FAM227B: variants seen among roughly 807,000 people sequenced by gnomAD.
FAM227B encodes protein FAM227B.
A neutral mutation model predicts 73.8 loss-of-function variants in FAM227B; 88 were observed. The observed-to-expected ratio is 1.19, with a 90% CI of 1.00 to 1.42. The LOEUF is 1.42. Among genes scored for constraint, FAM227B ranks in the 40% most tolerant of loss-of-function variants. The pLI is 0.00. For synonymous variants in FAM227B, 210 were observed against 190.5 expected (o/e 1.10, Z -0.84); for missense variants, 632 against 590.9 (o/e 1.07, Z -0.72).
intron 11 of FAM227B, among the ~76,000 whole-genome samples, chr15:49,445,799 T>C (rs2052145508): frequency 1.3e-5 from 2 of 151,462 alleles, no homozygotes; most frequent in South Asian, 4.2e-4. Flanking sequence ...AGTAAAAGAG[T>C]GTATTTGAAA....
intron 11 of FAM227B, chr15:49,396,044 G>A (rs1201036734): frequency 1.1e-5 from 5 of 451,924 alleles, no homozygotes; most frequent in East Asian, 7.0e-5. Flanking sequence ...CAGCGTGAGC[G>A]ACGCAGAAGA....
At chr15:49,339,496 G>A (rs1007385546) in intron 13 of FAM227B, among the ~76,000 whole-genome samples, 2 of 152,198 alleles carry the variant, frequency 1.3e-5, no homozygotes, top group African/African-American at 4.8e-5. Flanking sequence ...TCCTCTGGAA[G>A]CTTCGTCCCA....
chr15:49,457,378 T>C (rs900623196), intron 11 of FAM227B, among the ~76,000 whole-genome samples: 1 of 152,030 alleles, frequency 6.6e-6, no homozygotes, highest in African/African-American at 2.4e-5. Flanking sequence ...TTATGAGAGA[T>C]AACTTTTTTA....
chr15:49,576,588 G>A (rs540448494), intron 7 of FAM227B, 153 bp downstream of exon 7: 59 of 590,286 alleles, frequency 1.0e-4, no homozygotes, highest in Non-Finnish European at 1.5e-4. Context: ...GTAATTAGCG[G>A]TTAGACACAT....
At chr15:49,610,458 T>C (rs938278647) in intron 3 of FAM227B, among the ~76,000 whole-genome samples, 1 of 141,676 alleles carries the variant, frequency 7.1e-6, no homozygotes, top group Non-Finnish European at 1.6e-5. Flanking sequence ...TAAACAAATA[T>C]AAAAACAGAA....
chr15:49,464,533 T>C (rs900589370), intron 11 of FAM227B, among the ~76,000 whole-genome samples: 1 of 152,158 alleles, frequency 6.6e-6, no homozygotes, highest in Admixed American at 6.6e-5. Flanking sequence ...AACATTTATA[T>C]ATAGGTAGGC....
chr15:49,367,295 AC>A (rs1471802060), intron 13 of FAM227B, among the ~76,000 whole-genome samples, 152 bp downstream of exon 13: 1 of 152,226 alleles, frequency 6.6e-6, no homozygotes, highest in East Asian at 1.9e-4. Flanking sequence ...CAAACATACT[AC>A]CAAAGTTTTA....
chr15:49,605,802 C>A (rs1044676623), intron 3 of FAM227B, among the ~76,000 whole-genome samples: 2 of 151,978 alleles, frequency 1.3e-5, no homozygotes, highest in East Asian at 1.9e-4. Context: ...AGCCTAAAAT[C>A]AAAAATCCAA....
intron 11 of FAM227B, among the ~76,000 whole-genome samples, chr15:49,506,473 ATTT>A (rs1204184840): frequency 6.6e-6 from 1 of 151,856 alleles, no homozygotes; most frequent in Admixed American, 6.6e-5. Context: ...TCTAATTGAG[ATTT>A]TTTTTAACTG....
At chr15:49,490,671 G>C (rs1027257912) in intron 11 of FAM227B, among the ~76,000 whole-genome samples, 2 of 151,954 alleles carry the variant, frequency 1.3e-5, no homozygotes, top group Non-Finnish European at 2.9e-5. Context: ...CATACTCAGA[G>C]GAAAGGGCAT....
At chr15:49,416,712 C>T in intron 11 of FAM227B, among the ~76,000 whole-genome samples, 1 of 151,914 alleles carries the variant, frequency 6.6e-6, no homozygotes, top group Non-Finnish European at 1.5e-5. Context: ...TATACACCAA[C>T]AGTCAAGCTG....
In FAM227B at chr15:49,492,052, T is replaced by C. The variant is rs183257202; in HGVS notation, c.1012+16159A>G. 2.3e-3 allele frequency among the ~76,000 whole-genome samples: 354 copies of C among 151,974 alleles called. 7 individuals are homozygous for C. Among genetic ancestry groups the C allele is most frequent in the Admixed American group, 0.021 (313 of 15,226 alleles). ...CATCATGCCTACATAATCTTATCTATTGCCATACAAAGGTCTGTGTTATAT... is the reference window on the plus strand; with the variant it reads ...CATCATGCCTACATAATCTTATCTACTGCCATACAAAGGTCTGTGTTATAT... On this transcript the variant is annotated intron_variant, in intron 11 of 15. Transcript: ENST00000299338.
chr15:49,581,936 C>A (rs1035164182), intron 5 of FAM227B, among the ~76,000 whole-genome samples: 1 of 152,186 alleles, frequency 6.6e-6, no homozygotes, highest in Non-Finnish European at 1.5e-5. Flanking sequence ...CTGAACTACG[C>A]AAGGCCATCT....
chr15:49,335,505 CTTA>C lies in FAM227B; in HGVS notation c.1272-12_1272-10del, dbSNP rs1224679955. ...ATGTTGGAGCAGGTAGTGTGCTAGGCTTATTATTAAGGAATGATTTTCAATTAG... is the reference window on the plus strand; with the variant it reads ...ATGTTGGAGCAGGTAGTGTGCTAGGCTTATTAAGGAATGATTTTCAATTAG... On this transcript the variant is annotated splice_polypyrimidine_tract_variant and intron_variant, in intron 13 of 15. Coordinates refer to ENST00000299338, the MANE Select transcript of FAM227B (RefSeq NM_152647.3). The C allele has an allele frequency of 1.2e-6, 2 of 1,606,206 alleles. No homozygotes were observed. Among genetic ancestry groups the C allele is most frequent in the South Asian group, 1.1e-5 (1 of 90,598 alleles).
chr15:49,359,691 G>A (rs1246956528), intron 13 of FAM227B, among the ~76,000 whole-genome samples: 1 of 137,918 alleles, frequency 7.3e-6, no homozygotes, highest in Middle Eastern at 3.6e-3. Context: ...CGATTCCTCA[G>A]GGATCTAGAA....
At chr15:49,497,301 C>G (rs2057708244) in intron 11 of FAM227B, among the ~76,000 whole-genome samples, 1 of 152,180 alleles carries the variant, frequency 6.6e-6, no homozygotes, top group Non-Finnish European at 1.5e-5. Flanking sequence ...AATACATGAT[C>G]TGAATCTTAT....
intron 13 of FAM227B, among the ~76,000 whole-genome samples, chr15:49,356,268 A>G (rs2151355137): frequency 6.6e-6 from 1 of 152,148 alleles, no homozygotes; most frequent in South Asian, 2.1e-4. Flanking sequence ...TAAATGCTCC[A>G]ATTAAAAGAC....
chr15:49,371,677 TA>T (rs1436244168), intron 11 of FAM227B, among the ~76,000 whole-genome samples: 19 of 151,024 alleles, frequency 1.3e-4, no homozygotes, highest in African/African-American at 4.3e-4. Flanking sequence ...CACTAATAAA[TA>T]AATGAAATAA....
chr15:49,416,041 G>T (rs570917829), intron 11 of FAM227B, among the ~76,000 whole-genome samples: 1 of 152,004 alleles, frequency 6.6e-6, no homozygotes, highest in South Asian at 2.1e-4. Context: ...TTATGATCTG[G>T]TCCCTGCCTA....
Sources: allele counts gnomAD v4.1 joint callset (sites outside exome capture counted in the v4.1 genomes callset), GRCh38; gene constraint gnomAD v4.1.1; transcripts MANE v1.5; gene names NCBI Gene and HGNC (gene_info 2026-07-23, HGNC 2026-07-21).